MACC1: variants seen among roughly 807,000 people sequenced by gnomAD.
The protein encoded by MACC1 is metastasis-associated in colon cancer protein 1.
Under a neutral mutation model 70.7 loss-of-function variants are expected in MACC1, and 79 were observed. That is an observed-to-expected ratio of 1.12 (90% CI 0.93 to 1.35). The LOEUF (loss-of-function observed/expected upper bound fraction) is 1.35. Ranked by LOEUF, MACC1 falls within the 40% of genes most tolerant of loss-of-function variation. The pLI is 0.00. For missense variants in MACC1, 1,106 were observed against 978.1 expected (o/e 1.13, Z -1.74); for synonymous variants, 361 against 347.2 (o/e 1.04, Z -0.44).
chr7:20,207,288 G>T (rs981612196), intron 1 of MACC1, among the ~76,000 whole-genome samples: 2 of 151,450 alleles, frequency 1.3e-5, no homozygotes, highest in Admixed American at 6.6e-5. Context: ...TTACAGGCAT[G>T]TGCCACCCCA....
intron 6 of MACC1, among the ~76,000 whole-genome samples, chr7:20,150,967 G>A (rs1562582475): frequency 6.6e-6 from 1 of 151,676 alleles, no homozygotes; most frequent in Non-Finnish European, 1.5e-5. Context: ...AGAATCTCTT[G>A]AACCTGGGAG....
intron 6 of MACC1, among the ~76,000 whole-genome samples, chr7:20,141,714 A>G (rs1461458059): frequency 6.6e-6 from 1 of 152,192 alleles, no homozygotes; most frequent in Non-Finnish European, 1.5e-5. Context: ...ATTTCATGAT[A>G]TATTTTATCA....
intron 2 of MACC1, among the ~76,000 whole-genome samples, chr7:20,168,992 A>C (rs1038505912): frequency 6.6e-6 from 1 of 152,214 alleles, no homozygotes; most frequent in African/African-American, 2.4e-5. Context: ...ATGTAGCCTG[A>C]GCAGAAGATC....
intron 1 of MACC1, among the ~76,000 whole-genome samples, chr7:20,191,903 T>C (rs1217256780): frequency 6.6e-6 from 1 of 152,200 alleles, no homozygotes; most frequent in East Asian, 1.9e-4. Context: ...TCTGTAGTAT[T>C]TATTTAGGAC....
chr7:20,157,753 C>G (rs1459180841), intron 5 of MACC1, among the ~76,000 whole-genome samples: 3 of 136,968 alleles, frequency 2.2e-5, no homozygotes, highest in South Asian at 2.3e-4. Context: ...GGCAACAGAC[C>G]GAGACTTTGT....
intron 1 of MACC1, among the ~76,000 whole-genome samples, chr7:20,178,866 T>C (rs750748280): frequency 3.7e-4 from 57 of 152,126 alleles, no homozygotes; most frequent in African/African-American, 1.2e-3. Flanking sequence ...TCCCAAAGTG[T>C]TGGGATTACA....
chr7:20,176,655 C>T (rs1189501495), intron 1 of MACC1, among the ~76,000 whole-genome samples: 1 of 152,068 alleles, frequency 6.6e-6, no homozygotes, highest in African/African-American at 2.4e-5. Flanking sequence ...TATTTAATAG[C>T]CCCAAACTGG....
chr7:20,159,628 C>A lies in MACC1; in HGVS notation c.733G>T (p.Glu245Ter). 1 of 1,614,144 alleles carries A rather than the reference C, an allele frequency of 6.2e-7. No homozygotes were observed. The change falls in exon 5 of 7, where the codon GAA (glutamate) becomes TAA (stop). Residue 245 changes from glutamate (E) to a stop codon, truncating the protein, a stop_gained. Transcript: ENST00000400331. LOFTEE classifies it high-confidence loss of function. ...GCCCTTAGAGACACCTCTTGGAATT[C>A]TCCCACAGCCACATGACCTTGGGGC... ...HVPQGHVAVG[E>*]FQEVSLRAFL...
At chr7:20,167,401 GCC>G (rs1312505223) in intron 2 of MACC1, among the ~76,000 whole-genome samples, 1 of 151,660 alleles carries the variant, frequency 6.6e-6, no homozygotes, top group Non-Finnish European at 1.5e-5. Flanking sequence ...TCACCATGTT[GCC>G]CAGGCTGGTC....
At chr7:20,207,599 A>C (rs1259552245) in intron 1 of MACC1, among the ~76,000 whole-genome samples, 3 of 152,244 alleles carry the variant, frequency 2.0e-5, no homozygotes, top group African/African-American at 7.2e-5. Flanking sequence ...TGTGCAACAT[A>C]GCGCTATTCA....
chr7:20,200,329 C>T (rs1782815300), intron 1 of MACC1, among the ~76,000 whole-genome samples: 1 of 151,722 alleles, frequency 6.6e-6, no homozygotes, highest in Non-Finnish European at 1.5e-5. Context: ...CAGTTATATC[C>T]CTCATTAACA....
chr7:20,215,770 C>T (rs920381060), intron 1 of MACC1, among the ~76,000 whole-genome samples: 1 of 152,152 alleles, frequency 6.6e-6, no homozygotes, highest in Non-Finnish European at 1.5e-5. Context: ...TGTCTTTTGT[C>T]CTCCAAATCA....
chr7:20,174,413 T>C (rs1029710045), intron 1 of MACC1, among the ~76,000 whole-genome samples: 1 of 152,176 alleles, frequency 6.6e-6, no homozygotes, highest in Non-Finnish European at 1.5e-5. Context: ...AATGGTTAAC[T>C]AAATTTCATG....
intron 6 of MACC1, chr7:20,142,113 T>C (rs921170733): frequency 3.3e-5 from 5 of 152,194 alleles, no homozygotes; most frequent in Non-Finnish European, 7.3e-5. Flanking sequence ...ACTTGCAAAA[T>C]GTAGGAACAT....
intron 1 of MACC1, among the ~76,000 whole-genome samples, chr7:20,216,317 T>A (rs1251410609): frequency 6.6e-6 from 1 of 152,128 alleles, no homozygotes; most frequent in Admixed American, 6.5e-5. Context: ...AAAAATAAAT[T>A]TTTTAAAATC....
At chr7:20,181,992 C>T (rs1011007127) in intron 1 of MACC1, among the ~76,000 whole-genome samples, 2 of 151,612 alleles carry the variant, frequency 1.3e-5, no homozygotes, top group East Asian at 1.9e-4. Context: ...ACATATACAC[C>T]ATGGAATACT....
intron 2 of MACC1, among the ~76,000 whole-genome samples, chr7:20,168,459 C>A (rs760530051): frequency 7.9e-5 from 12 of 152,154 alleles, no homozygotes; most frequent in Non-Finnish European, 1.6e-4. Flanking sequence ...TGATTAGTTA[C>A]AAGCTTCACA....
intron 1 of MACC1, among the ~76,000 whole-genome samples, chr7:20,172,238 G>T (rs1018931024): frequency 6.6e-6 from 1 of 152,184 alleles, no homozygotes; most frequent in Non-Finnish European, 1.5e-5. Context: ...CGGGTTACAA[G>T]CAGGGTGAGC....
chr7:20,198,629 CT>C (rs1315531123), intron 1 of MACC1: 1 of 152,238 alleles, frequency 6.6e-6, no homozygotes, highest in Non-Finnish European at 1.5e-5. Context: ...TGGAGCTCTC[CT>C]TTTAGATCTC....
Sources: allele counts gnomAD v4.1 joint callset (sites outside exome capture counted in the v4.1 genomes callset), GRCh38; gene constraint gnomAD v4.1.1; transcripts MANE v1.5; gene names NCBI Gene and HGNC (gene_info 2026-07-23, HGNC 2026-07-21).